ATP13A4: variants seen among roughly 807,000 people sequenced by gnomAD.
ATP13A4 encodes ATPase 13A4, also known as probable cation-transporting ATPase 13A4.
In ATP13A4, 114 loss-of-function variants were observed where a neutral mutation model predicts 142.5. The ratio of observed to expected loss-of-function variants is 0.80; its 90% CI spans 0.69 to 0.93. The LOEUF is 0.93. Among genes scored for constraint, ATP13A4 ranks in the 40% least tolerant of loss-of-function variants. ATP13A4 has a pLI of 0.00. For missense variants in ATP13A4, 1,392 were observed against 1,454.0 expected (o/e 0.96, Z 0.69); for synonymous variants, 488 against 514.8 (o/e 0.95, Z 0.70).
At chr3:193,522,080 C>T (rs569284503) in intron 1 of ATP13A4, among the ~76,000 whole-genome samples, 5 of 152,332 alleles carry the variant, frequency 3.3e-5, no homozygotes, top group East Asian at 1.9e-4. Context: ...CTGCCTACGG[C>T]CATTTCAGCT....
intron 1 of ATP13A4, among the ~76,000 whole-genome samples, chr3:193,525,473 G>A (rs1174034121): frequency 1.3e-5 from 2 of 152,032 alleles, no homozygotes; most frequent in Non-Finnish European, 2.9e-5. Context: ...CTAACTACAG[G>A]ATTTTAGAAA....
At chr3:193,440,274 C>A in intron 21 of ATP13A4, 1 of 409,696 alleles carries the variant, frequency 2.4e-6, no homozygotes. Flanking sequence ...TTTCAGGACC[C>A]TTAGGTTCTA....
At chr3:193,566,802 C>T (rs1230197439) in intron 2 of ATP13A4, among the ~76,000 whole-genome samples, 1 of 152,122 alleles carries the variant, frequency 6.6e-6, no homozygotes, top group African/African-American at 2.4e-5. Context: ...ACAATATTTT[C>T]AGTTACTACT....
intron 25 of ATP13A4, among the ~76,000 whole-genome samples, chr3:193,426,905 G>C (rs2108612987): frequency 6.6e-6 from 1 of 152,006 alleles, no homozygotes; most frequent in East Asian, 1.9e-4. Flanking sequence ...AAGAAACTTA[G>C]GGAGAAATAT....
intron 2 of ATP13A4, among the ~76,000 whole-genome samples, chr3:193,513,894 T>A (rs1721266359): frequency 6.6e-6 from 1 of 152,194 alleles, no homozygotes; most frequent in African/African-American, 2.4e-5. Flanking sequence ...GTGGGATATG[T>A]CAGGAATCGA....
intron 17 of ATP13A4, among the ~76,000 whole-genome samples, chr3:193,449,268 G>A (rs906184176): frequency 2.6e-5 from 4 of 152,202 alleles, no homozygotes; most frequent in Non-Finnish European, 4.4e-5. Context: ...TTCAGGATCA[G>A]GAGTTCAAAG....
chr3:193,475,909 C>T (rs1007169079), intron 8 of ATP13A4, among the ~76,000 whole-genome samples: 4 of 151,896 alleles, frequency 2.6e-5, no homozygotes, highest in African/African-American at 9.7e-5. Flanking sequence ...GTTTGTCACT[C>T]TGAGGTTATT....
intron 11 of ATP13A4, 120 bp downstream of exon 11, chr3:193,465,905 A>G: frequency 8.4e-7 from 1 of 1,185,068 alleles, no homozygotes; most frequent in Non-Finnish European, 1.2e-6. Flanking sequence ...CGTAGGCATC[A>G]GTGCTTGGTT....
At chr3:193,461,905 A>C (rs1393710088) in intron 13 of ATP13A4, among the ~76,000 whole-genome samples, 1 of 152,122 alleles carries the variant, frequency 6.6e-6, no homozygotes, top group Non-Finnish European at 1.5e-5. Flanking sequence ...GAGAACTGTC[A>C]AAACCGTCTT....
At chr3:193,523,164 C>A (rs1721815520) in intron 1 of ATP13A4, among the ~76,000 whole-genome samples, 1 of 151,924 alleles carries the variant, frequency 6.6e-6, no homozygotes, top group African/African-American at 2.4e-5. Context: ...ATTAGCCAGG[C>A]GTAGTGGCAG....
chr3:193,470,311 G>C (rs1260631240), intron 9 of ATP13A4, among the ~76,000 whole-genome samples: 1 of 152,108 alleles, frequency 6.6e-6, no homozygotes, highest in African/African-American at 2.4e-5. Context: ...CTCCAGCACT[G>C]CCATTTGAAA....
At position 193,491,241 on chromosome 3, in the gene ATP13A4, A is replaced by G. The variant is rs1391643755; in HGVS notation, c.603+88T>C. 47 of 958,524 alleles carry G rather than the reference A, an allele frequency of 4.9e-5. No individual in the cohort carries two copies. In the South Asian group the frequency reaches 5.8e-4, roughly 12 times the overall value. The allele number at this position is 958,524 out of a possible 1,614,324, so 59.4% of individuals were successfully genotyped here. On this transcript the variant is annotated intron_variant, in intron 6 of 29. Coordinates refer to ENST00000342695, the MANE Select transcript of ATP13A4 (RefSeq NM_032279.4). Reference sequence around the variant, plus strand: ...AAATATACTCTATGTGAAGTTACTTATTAACAATTAGCACTCCTGATTATT... The same window carrying G: ...AAATATACTCTATGTGAAGTTACTTGTTAACAATTAGCACTCCTGATTATT...
At chr3:193,536,343 C>A (rs547959418) in intron 1 of ATP13A4, among the ~76,000 whole-genome samples, 1 of 151,972 alleles carries the variant, frequency 6.6e-6, no homozygotes, top group Admixed American at 6.5e-5. Context: ...CACACACACA[C>A]AAAAATTAAT....
At chr3:193,534,186 T>C (rs1040692121) in intron 1 of ATP13A4, among the ~76,000 whole-genome samples, 7 of 152,184 alleles carry the variant, frequency 4.6e-5, no homozygotes, top group Admixed American at 1.3e-4. Flanking sequence ...CCACCTGGAC[T>C]TCCACCAACA....
At chr3:193,414,115 C>G (rs1433551530) in intron 26 of ATP13A4, among the ~76,000 whole-genome samples, 2 of 152,164 alleles carry the variant, frequency 1.3e-5, no homozygotes, top group Non-Finnish European at 2.9e-5. Context: ...AAATTAGAAC[C>G]TATGTTGAAA....
intron 1 of ATP13A4, among the ~76,000 whole-genome samples, chr3:193,526,324 C>T (rs1003538720): frequency 1.3e-5 from 2 of 152,150 alleles, no homozygotes; most frequent in African/African-American, 4.8e-5. Flanking sequence ...TGGAAGCCAT[C>T]ATTCTGAGCA....
intron 1 of ATP13A4, among the ~76,000 whole-genome samples, chr3:193,584,871 T>C (rs957388736): frequency 6.6e-5 from 10 of 152,250 alleles, no homozygotes; most frequent in Non-Finnish European, 1.5e-4. Flanking sequence ...ATCTTCGCTA[T>C]ACATTTTGAC....
rs1481126620 is a variant in ATP13A4, at chr3:193,550,473, A to AT, written c.60+4266dup. On this transcript the variant is annotated intron_variant, in intron 1 of 29. Coordinates refer to ENST00000342695, the MANE Select transcript of ATP13A4 (RefSeq NM_032279.4). ...AGGTGGATACCACCACATCCAGATA[A>AT]TTTTTTTGTATTTTTATAGACAGGG... Among the ~76,000 whole-genome samples the AT allele has an allele frequency of 2.6e-5, 4 of 151,936 alleles. No individual in the cohort carries two copies. In the East Asian group the frequency reaches 5.8e-4, roughly 22 times the overall value.
At chr3:193,472,039 G>C (rs1718659281) in intron 8 of ATP13A4, among the ~76,000 whole-genome samples, 1 of 152,174 alleles carries the variant, frequency 6.6e-6, no homozygotes, top group South Asian at 2.1e-4. Flanking sequence ...TGAAAAGGGT[G>C]TCTACATAGG....
Sources: gnomAD v4.1 joint callset for allele counts (sites outside exome capture counted in the v4.1 genomes callset) on GRCh38, gnomAD v4.1.1 for gene constraint, MANE v1.5 for transcripts, NCBI Gene and HGNC (gene_info 2026-07-23, HGNC 2026-07-21) for gene names.